The following NTPCR variants were observed in gnomAD, a reference collection of about 807,000 sequenced individuals.
NTPCR encodes the protein nucleoside-triphosphatase, cancer-related.
NTPCR carries 15 observed loss-of-function variants against 19.5 expected under a neutral mutation model. That is an observed-to-expected ratio of 0.77 (90% CI 0.51 to 1.18). The LOEUF is 1.18. NTPCR is among the 50% of genes most tolerant of loss of function. NTPCR has a pLI of 0.00. For missense variants in NTPCR, 206 were observed against 240.4 expected, an observed-to-expected ratio of 0.86 and a Z score of 0.95; for synonymous variants, 90 against 95.8, an observed-to-expected ratio of 0.94 and a Z score of 0.36.
At chr1:232,971,328 A>G (rs749276053) in intron 4 of NTPCR, among the ~76,000 whole-genome samples, 8 of 152,118 alleles carry the variant, frequency 5.3e-5, no homozygotes, top group African/African-American at 7.2e-5. Flanking sequence ...GGGAGTGGAG[A>G]GTGAGTACCC....
At chr1:232,975,687 G>T (rs1402301154) in intron 4 of NTPCR, among the ~76,000 whole-genome samples, 1 of 152,040 alleles carries the variant, frequency 6.6e-6, no homozygotes, top group South Asian at 2.1e-4. Context: ...CTTACCAAGG[G>T]CCCCCCTACA....
intron 1 of NTPCR, among the ~76,000 whole-genome samples, chr1:232,952,354 C>T (rs1018109201): frequency 5.3e-5 from 8 of 151,740 alleles, no homozygotes; most frequent in East Asian, 1.9e-4. Context: ...GATCTACAAG[C>T]GCATGCCACC....
rs10973 is a variant in NTPCR, at chr1:232,983,565, C to T, written c.*5334C>T. 0.24 allele frequency: 36,277 copies of T among 152,194 alleles called. 4,428 individuals carry two copies. The highest frequency in any genetic ancestry group is 0.29 in the African/African-American group (12,009 of 41,512). The allele number at this position is 152,194 out of a possible 1,614,324, so 9.4% of individuals were successfully genotyped here. A position where few individuals can be genotyped will look rare whatever the true frequency, so the allele number is the denominator to read the frequency against. On this transcript the variant is annotated 3_prime_UTR_variant, in exon 5 of 5. Coordinates refer to ENST00000366628, the MANE Select transcript of NTPCR (RefSeq NM_032324.3). ...AGGGTGCTGGCGGCCCACCAATCGC[C>T]TGGACTACAGTGAGGAGCATTGTGT...
Position 232,976,468 on chromosome 1 carries a change from G to T in NTPCR, c.505-1695G>T, listed in dbSNP as rs1440348680. 7.7e-6 allele frequency: 12 copies of T among 1,550,028 alleles called. No homozygotes were observed. The Middle Eastern group carries it at 5.1e-4, about 65-fold the overall frequency. ...GCTGAACTCAGAGTGGAAGAAAAGG[G>T]CCCCTGTGGTGCCCACCTCTGTGTC... On this transcript the variant is annotated intron_variant, in intron 4 of 4. Transcript: ENST00000366628.
chr1:232,969,962 GAAGATGGAGCTCTTC>G lies in NTPCR; in HGVS notation c.350_364del (p.Lys117_Phe121del). 1 of 1,614,206 alleles carries G rather than the reference GAAGATGGAGCTCTTC, an allele frequency of 6.2e-7. No homozygotes were observed. On this transcript the variant is annotated inframe_deletion, in exon 4 of 5. Transcript: ENST00000366628. ...GAGTGTGCGTCATCGATGAGATTGG[GAAGATGGAGCTCTTC>G]AGTCAGCTTTTCATTCAAGCTGTTC...
intron 4 of NTPCR, chr1:232,976,758 T>C: frequency 2.0e-6 from 1 of 494,156 alleles, no homozygotes; most frequent in African/African-American, 2.0e-5. Context: ...CCAGGACCAG[T>C]AGAAATGGGA....
intron 4 of NTPCR, among the ~76,000 whole-genome samples, chr1:232,975,687 G>GC (rs1408427492): frequency 6.6e-5 from 10 of 152,158 alleles, no homozygotes; most frequent in Admixed American, 4.6e-4. Flanking sequence ...CTTACCAAGG[G>GC]CCCCCCTACA....
At chr1:232,951,902 G>A (rs939568654) in intron 1 of NTPCR, among the ~76,000 whole-genome samples, 2 of 152,172 alleles carry the variant, frequency 1.3e-5, no homozygotes, top group African/African-American at 2.4e-5. Flanking sequence ...AATGCAGTTT[G>A]ATACTCAGCA....
chr1:232,973,960 C>A lies in NTPCR; in HGVS notation c.504+3842C>A, dbSNP rs140047691. On this transcript the variant is annotated intron_variant, in intron 4 of 4. Transcript: ENST00000366628. ...ATAACAAAAGATGTGACATTCACAT[C>A]ATTGTAGTAACAGGAGATGAGTGTG... is the stretch of plus-strand genomic sequence containing the variant. Among the ~76,000 whole-genome samples the A allele has an allele frequency of 3.3e-5, 5 of 152,308 alleles. No individual in the cohort carries two copies. In the East Asian group the frequency reaches 9.7e-4, roughly 29 times the overall value.
intron 1 of NTPCR, among the ~76,000 whole-genome samples, chr1:232,951,407 C>G (rs1436573689): frequency 6.6e-6 from 1 of 152,080 alleles, no homozygotes. Context: ...ACCCTGTGGC[C>G]TGTGGAGTTC....
rs1669237245 is a variant in NTPCR at position 232,979,818 on chromosome 1, T to C, written c.*1587T>C. Reference sequence around the variant, plus strand: ...TTCCCACAAAGGCCTGGGAACCTGATCCTGGCCGTAAATCTGAAAGTACCA... The same window carrying C: ...TTCCCACAAAGGCCTGGGAACCTGACCCTGGCCGTAAATCTGAAAGTACCA... On this transcript the variant is annotated 3_prime_UTR_variant, in exon 5 of 5. Coordinates refer to ENST00000366628, the MANE Select transcript of NTPCR (RefSeq NM_032324.3). This position sits in a 1 kb window ranked among gnomAD's most constrained non-coding sequence, Gnocchi z 5.3. 1 of 152,236 alleles carries C rather than the reference T, an allele frequency of 6.6e-6. No individual in the cohort carries two copies. Among genetic ancestry groups the C allele is most frequent in the Non-Finnish European group, 1.5e-5 (1 of 68,080 alleles). The allele number at this position is 152,236 out of a possible 1,614,324, so 9.4% of individuals were successfully genotyped here.
Position 232,964,126 on chromosome 1 carries a change from T to A in NTPCR, c.295-5783T>A, listed in dbSNP as rs550230552. 6.6e-5 allele frequency: 10 copies of A among 152,334 alleles called. No individual in the cohort carries two copies. The East Asian group carries it at 1.9e-3, about 29-fold the overall frequency. 9.4% of individuals were successfully genotyped at this position (152,334 alleles called of 1,614,324 possible). A position where few individuals can be genotyped will look rare whatever the true frequency, so the allele number is the denominator to read the frequency against. On this transcript the variant is annotated intron_variant, in intron 3 of 4. Transcript: ENST00000366628. ...TTTTCCTCCAGATGTTACACTTAGTTGTCACATCTCCATAGCCTCCGTTAA... is the reference window on the plus strand; with the variant it reads ...TTTTCCTCCAGATGTTACACTTAGTAGTCACATCTCCATAGCCTCCGTTAA...
rs2102739003 is a variant in NTPCR, at chr1:232,956,414, G to A, written c.265G>A (p.Glu89Lys). 2.5e-6 allele frequency: 4 copies of A among 1,613,636 alleles called. No homozygotes were observed. In the East Asian group the frequency reaches 8.9e-5, roughly 36 times the overall value. ...GQYVVDLTSFEQLALPVLRNA... is the reference protein window; with the variant it reads ...GQYVVDLTSFKQLALPVLRNA... ...GTATGTGGTCGACCTGACTTCTTTT[G>A]AGCAGTTGGCACTACCCGTCTTGAG... The change falls in exon 3 of 5, where the codon GAG becomes AAG. Residue 89 changes from glutamate (E) to lysine (K), a missense_variant. Transcript: ENST00000366628.
rs940666526 is a variant in NTPCR, at chr1:232,955,549, T to A, written c.35-8T>A. On this transcript the variant is annotated splice_region_variant and splice_polypyrimidine_tract_variant and intron_variant, in intron 1 of 4. Transcript: ENST00000366628. ...TTTCTTCTTTTTTTTTTTTTTTTTT[T>A]ATTTTAGGAGTTGGAAAAACAACAT... The A allele has an allele frequency of 5.1e-5, 74 of 1,448,652 alleles. No homozygotes were observed. Among genetic ancestry groups the A allele is most frequent in the South Asian group, 1.1e-4 (7 of 66,550 alleles). The allele number at this position is 1,448,652 out of a possible 1,614,324, so 89.7% of individuals were successfully genotyped here.
At chr1:232,965,665 A>C (rs1174984637) in intron 3 of NTPCR, 3 of 152,318 alleles carry the variant, frequency 2.0e-5, no homozygotes, top group Admixed American at 6.5e-5. Flanking sequence ...CAGGAGCCCA[A>C]ATGTGCAGGC....
At chr1:232,968,148 T>C (rs1374510662) in intron 3 of NTPCR, 1 of 152,120 alleles carries the variant, frequency 6.6e-6, no homozygotes, top group Non-Finnish European at 1.5e-5. Flanking sequence ...AGGACAACCA[T>C]GTACCTGCCC....
At position 232,978,312 on chromosome 1, in the gene NTPCR, T is replaced by C; in HGVS notation, c.*81T>C. ...TGGAGCCCTGCCTGTCGAGGCTGTATGCCTATGGGGTTATGGAACCTTGTG... is the reference window on the plus strand; with the variant it reads ...TGGAGCCCTGCCTGTCGAGGCTGTACGCCTATGGGGTTATGGAACCTTGTG... On this transcript the variant is annotated 3_prime_UTR_variant, in exon 5 of 5. Transcript: ENST00000366628. 1.7e-6 allele frequency: 2 copies of C among 1,184,346 alleles called. No homozygotes were observed. The highest frequency in any genetic ancestry group is 1.8e-5 in the Admixed American group (1 of 54,254). 73.4% of individuals were successfully genotyped at this position (1,184,346 alleles called of 1,614,324 possible). A position where few individuals can be genotyped will look rare whatever the true frequency, so the allele number is the denominator to read the frequency against.
chr1:232,967,624 G>GTATT (rs1484872042), intron 3 of NTPCR: 1 of 152,192 alleles, frequency 6.6e-6, no homozygotes, highest in East Asian at 1.9e-4. Flanking sequence ...CTGTACGTGT[G>GTATT]TATTTACACA....
rs553145598 is a variant in NTPCR, at chr1:232,956,218, G to A, written c.198-129G>A. 1.0e-5 allele frequency: 7 copies of A among 685,844 alleles called. 1 individual carries two copies. The highest frequency in any genetic ancestry group is 5.2e-5 in the South Asian group (3 of 58,152). 42.5% of individuals were successfully genotyped at this position (685,844 alleles called of 1,614,324 possible). Reference sequence around the variant, plus strand: ...AACCTGATCAGCTTTACAGACCACCGCATTTTGTGTTGGTCATTTTTAAGG... The same window carrying A: ...AACCTGATCAGCTTTACAGACCACCACATTTTGTGTTGGTCATTTTTAAGG... On this transcript the variant is annotated intron_variant, in intron 2 of 4. Coordinates refer to ENST00000366628, the MANE Select transcript of NTPCR (RefSeq NM_032324.3).
Sources: gnomAD v4.1 joint callset for allele counts (sites outside exome capture counted in the v4.1 genomes callset) on GRCh38, gnomAD v4.1.1 for gene constraint, Gnocchi (gnomAD v3.1) non-coding constraint, MANE v1.5 for transcripts, NCBI Gene and HGNC (gene_info 2026-07-23, HGNC 2026-07-21) for gene names.